GPR19: variants seen among roughly 807,000 people sequenced by gnomAD.
The protein encoded by GPR19 is G protein-coupled receptor 19.
In GPR19, 14 loss-of-function variants were observed where a neutral mutation model predicts 28.5. The ratio of observed to expected loss-of-function variants is 0.49; its 90% CI spans 0.32 to 0.77. GPR19 has a LOEUF of 0.77. Among genes scored for constraint, GPR19 ranks in the 30% least tolerant of loss-of-function variants. The probability of loss-of-function intolerance (pLI) is 0.03; values close to 1 mark genes in which losing one functional copy is unlikely to be tolerated. For missense variants in GPR19, 409 were observed against 504.1 expected, an observed-to-expected ratio of 0.81 and a Z score of 1.81; for synonymous variants, 173 against 184.1, an observed-to-expected ratio of 0.94 and a Z score of 0.49.
chr12:12,679,910 C>T (rs1945993053), intron 3 of GPR19, among the ~76,000 whole-genome samples: 1 of 151,962 alleles, frequency 6.6e-6, no homozygotes, highest in Non-Finnish European at 1.5e-5. Flanking sequence ...TATTGATTTT[C>T]TATGATAATA....
intron 2 of GPR19, among the ~76,000 whole-genome samples, chr12:12,685,807 G>A (rs1274863117): frequency 1.3e-5 from 2 of 152,116 alleles, no homozygotes; most frequent in African/African-American, 4.8e-5. Context: ...CCATCACAGG[G>A]TGGTGGAAAG....
upstream of GPR19, among the ~76,000 whole-genome samples, chr12:12,697,221 T>C (rs974109395): frequency 2.2e-5 from 3 of 137,228 alleles, no homozygotes; most frequent in Non-Finnish European, 4.6e-5. Flanking sequence ...TCTAGAAGCA[T>C]TAACCCAAGA....
intron 2 of GPR19, among the ~76,000 whole-genome samples, chr12:12,689,702 T>C (rs1320337276): frequency 6.6e-6 from 1 of 152,208 alleles, no homozygotes; most frequent in African/African-American, 2.4e-5. Flanking sequence ...AGATTTTAGA[T>C]GTGAAACCTA....
rs541182322 is a variant in GPR19, at chr12:12,670,547, G to A, written c.-22-8077C>T. On this transcript the variant is annotated intron_variant, in intron 3 of 3. Coordinates refer to ENST00000651487, the MANE Select transcript of GPR19 (RefSeq NM_006143.3). Reference sequence around the variant, plus strand: ...ATTTGATTATTATAACTAGATGAGAGAATATACACAGGACTTAGATGAGTT... The same window carrying A: ...ATTTGATTATTATAACTAGATGAGAAAATATACACAGGACTTAGATGAGTT... Among the ~76,000 whole-genome samples, 9 of 152,252 alleles carry A rather than the reference G, an allele frequency of 5.9e-5. No individual in the cohort carries two copies. The South Asian group carries it at 1.9e-3, about 32-fold the overall frequency.
the GPR19 span, chr12:12,717,053 G>A: frequency 9.9e-7 from 1 of 1,006,638 alleles, no homozygotes; most frequent in East Asian, 7.5e-5. Context: ...ACCCGCCAAC[G>A]CAGCGCCGGG....
chr12:12,669,777 C>T (rs890103274), intron 3 of GPR19, among the ~76,000 whole-genome samples: 1 of 152,360 alleles, frequency 6.6e-6, no homozygotes, highest in East Asian at 1.9e-4. Flanking sequence ...ATCCTAAGTC[C>T]TGAACTTACA....
intron 3 of GPR19, among the ~76,000 whole-genome samples, chr12:12,675,364 C>A (rs1015519955): frequency 1.3e-5 from 2 of 152,058 alleles, no homozygotes; most frequent in Admixed American, 1.3e-4. Context: ...TTCCCATCAG[C>A]CTGGTAGGAT....
intron 3 of GPR19, among the ~76,000 whole-genome samples, chr12:12,672,449 A>G (rs1276551694): frequency 6.6e-6 from 1 of 152,104 alleles, no homozygotes; most frequent in East Asian, 1.9e-4. Context: ...AAACAAGTGC[A>G]AAAAAATTTC....
rs568605700 is a variant in GPR19 at position 12,688,183 on chromosome 12, G to C, written c.-179-3676C>G. 3.9e-5 allele frequency among the ~76,000 whole-genome samples: 6 copies of C among 152,186 alleles called. No individual in the cohort carries two copies. In the East Asian group the frequency reaches 9.7e-4, roughly 25 times the overall value. On this transcript the variant is annotated intron_variant, in intron 2 of 3. Transcript: ENST00000651487. Reference sequence around the variant, plus strand: ...TTTTCAGTGAAGAGAGTGGGAGGGGGGGTCATCATCTTAACCAAGTGACCA... The same window carrying C: ...TTTTCAGTGAAGAGAGTGGGAGGGGCGGTCATCATCTTAACCAAGTGACCA...
chr12:12,692,492 C>A (rs1003994748), intron 2 of GPR19, among the ~76,000 whole-genome samples: 1 of 152,086 alleles, frequency 6.6e-6, no homozygotes, highest in Non-Finnish European at 1.5e-5. Flanking sequence ...TTTGGTCTCC[C>A]AAAGTGCTAG....
chr12:12,708,610 A>T, the GPR19 span, among the ~76,000 whole-genome samples: 1 of 151,934 alleles, frequency 6.6e-6, no homozygotes, highest in South Asian at 2.1e-4. Flanking sequence ...CACTAGTCCT[A>T]GTGCCTTCTC....
intron 3 of GPR19, among the ~76,000 whole-genome samples, chr12:12,663,705 A>G (rs1448411729): frequency 4.6e-5 from 7 of 152,196 alleles, no homozygotes; most frequent in Admixed American, 6.5e-5. Flanking sequence ...AATTTAATCC[A>G]TAATAACCAT....
At chr12:12,697,357 A>G (rs761981594), upstream of GPR19, among the ~76,000 whole-genome samples, 3 of 128,926 alleles carry the variant, frequency 2.3e-5, no homozygotes, top group Non-Finnish European at 5.1e-5. Context: ...TACAGATATG[A>G]CTGGATTCGT....
chr12:12,662,351 G>A lies in GPR19; in HGVS notation c.98C>T (p.Thr33Ile), dbSNP rs1316660927. ...CATCAGGTATTGGCTTGGCAGAGGT[G>A]TGGCTGTTTCAGTGCAGCTGCGGTT... Reference protein sequence around the residue: ...LQNRSCTETATPLPSQYLMEL... With the variant: ...LQNRSCTETAIPLPSQYLMEL... Residue 33 changes from threonine to isoleucine, a missense_variant, in exon 4 of 4, where the codon ACA (threonine) becomes ATA (isoleucine). Physicochemically the swap from Thr to Ile is moderately conservative, Grantham distance 89. Coordinates refer to ENST00000651487, the MANE Select transcript of GPR19 (RefSeq NM_006143.3). The A allele has an allele frequency of 6.2e-7, 1 of 1,614,120 alleles. No homozygotes were observed. Among genetic ancestry groups the A allele is most frequent in the Non-Finnish European group, 8.5e-7 (1 of 1,180,046 alleles).
intron 3 of GPR19, among the ~76,000 whole-genome samples, chr12:12,681,158 T>A (rs954405061): frequency 6.6e-6 from 1 of 152,192 alleles, no homozygotes; most frequent in Non-Finnish European, 1.5e-5. Context: ...ATTTTTTGCC[T>A]TGGCTGATGG....
At chr12:12,672,868 T>A (rs1945874719) in intron 3 of GPR19, among the ~76,000 whole-genome samples, 1 of 152,126 alleles carries the variant, frequency 6.6e-6, no homozygotes, top group African/African-American at 2.4e-5. Flanking sequence ...GTGGCCAGAG[T>A]TGTGTTCATT....
At chr12:12,665,732 G>A (rs1945763175) in intron 3 of GPR19, among the ~76,000 whole-genome samples, 1 of 147,796 alleles carries the variant, frequency 6.8e-6, no homozygotes, top group South Asian at 2.1e-4. Flanking sequence ...AGCTATCCGG[G>A]AGGCTGAGGC....
the GPR19 span, among the ~76,000 whole-genome samples, chr12:12,713,278 T>A: frequency 6.6e-6 from 1 of 152,058 alleles, no homozygotes; most frequent in African/African-American, 2.4e-5. Context: ...TTGGCCAGGC[T>A]GGTCTTGAAC....
At chr12:12,704,550 GATT>G in the GPR19 span, among the ~76,000 whole-genome samples, 7 of 152,162 alleles carry the variant, frequency 4.6e-5, no homozygotes, top group African/African-American at 1.7e-4. Flanking sequence ...GTTAAATTCA[GATT>G]ATTGTGTGAG....
Sources: gnomAD v4.1 joint callset for allele counts (sites outside exome capture counted in the v4.1 genomes callset) on GRCh38, gnomAD v4.1.1 for gene constraint, MANE v1.5 for transcripts, NCBI Gene and HGNC (gene_info 2026-07-23, HGNC 2026-07-21) for gene names.